The following ARB2A variants were observed in gnomAD, a reference collection of about 807,000 sequenced individuals.
ARB2A encodes the protein ARB2 cotranscriptional regulator A.
At chr5:94,054,205 T>G in the ARB2A span, among the ~76,000 whole-genome samples, 1 of 152,206 alleles carries the variant, frequency 6.6e-6, no homozygotes, top group South Asian at 2.1e-4. Context: ...ACACCAATAT[T>G]GGTACATTAC....
At chr5:93,768,154 G>A in the ARB2A span, among the ~76,000 whole-genome samples, 5 of 151,848 alleles carry the variant, frequency 3.3e-5, no homozygotes, top group Admixed American at 6.6e-5. Flanking sequence ...GTATGAGGAC[G>A]TAATAGCATA....
chr5:93,762,577 G>T, the ARB2A span, among the ~76,000 whole-genome samples: 2 of 152,208 alleles, frequency 1.3e-5, no homozygotes, highest in Non-Finnish European at 1.5e-5. Context: ...ATGTCTGATT[G>T]GTGTACCTGA....
chr5:93,634,618 T>C, the ARB2A span, among the ~76,000 whole-genome samples: 1 of 152,180 alleles, frequency 6.6e-6, no homozygotes, highest in Non-Finnish European at 1.5e-5. Context: ...TACAATTTAC[T>C]AGCATCAAAG....
the ARB2A span, among the ~76,000 whole-genome samples, chr5:93,785,836 CTAATT>C: frequency 2.0e-5 from 3 of 152,192 alleles, no homozygotes; most frequent in Admixed American, 1.3e-4. Flanking sequence ...AAATAATACT[CTAATT>C]TAATACTTCA....
chr5:93,704,068 GATGACTCAAA>G, the ARB2A span, among the ~76,000 whole-genome samples: 23,704 of 152,084 alleles, frequency 0.16, 2,044 homozygotes, highest in Middle Eastern at 0.27. Flanking sequence ...CATACTGCAT[GATGACTCAAA>G]ATGGCTTCAA....
the ARB2A span, among the ~76,000 whole-genome samples, chr5:93,826,678 T>C: frequency 9.9e-5 from 15 of 152,078 alleles, no homozygotes; most frequent in South Asian, 1.2e-3. Context: ...ATGTGCCATG[T>C]TGGTGTGCTG....
the ARB2A span, among the ~76,000 whole-genome samples, chr5:93,931,321 G>A: frequency 5.3e-5 from 8 of 152,094 alleles, no homozygotes; most frequent in Middle Eastern, 3.4e-3. Flanking sequence ...AAAATTAGCC[G>A]AGCATGGTGG....
the ARB2A span, among the ~76,000 whole-genome samples, chr5:94,098,451 A>T: frequency 6.6e-6 from 1 of 152,228 alleles, no homozygotes; most frequent in Non-Finnish European, 1.5e-5. Flanking sequence ...ACAAAGATAG[A>T]ACATACCAGA....
At chr5:93,888,268 T>G in the ARB2A span, among the ~76,000 whole-genome samples, 1 of 151,912 alleles carries the variant, frequency 6.6e-6, no homozygotes, top group Non-Finnish European at 1.5e-5. Context: ...ACCATAGTTT[T>G]GTGAAATCTT....
the ARB2A span, chr5:93,881,660 G>A: frequency 6.3e-7 from 1 of 1,592,622 alleles, no homozygotes; most frequent in South Asian, 1.2e-5. Flanking sequence ...GTTTTCATTG[G>A]GATTTAGTAC....
chr5:93,949,495 A>G, the ARB2A span, among the ~76,000 whole-genome samples: 2 of 152,158 alleles, frequency 1.3e-5, no homozygotes, highest in Non-Finnish European at 2.9e-5. Flanking sequence ...AGGGAGGCGG[A>G]GGTTGCAGTG....
the ARB2A span, among the ~76,000 whole-genome samples, chr5:94,015,278 A>G: frequency 6.6e-6 from 1 of 152,194 alleles, no homozygotes; most frequent in African/African-American, 2.4e-5. Context: ...CTACCATCTA[A>G]GCATACTGTA....
chr5:93,691,588 A>G, the ARB2A span, among the ~76,000 whole-genome samples: 1 of 152,170 alleles, frequency 6.6e-6, no homozygotes, highest in Non-Finnish European at 1.5e-5. Context: ...AATGGAACCG[A>G]GTTGGAAAAC....
chr5:94,001,247 T>C, the ARB2A span, among the ~76,000 whole-genome samples: 2 of 152,104 alleles, frequency 1.3e-5, no homozygotes, highest in African/African-American at 4.8e-5. Context: ...AGAACTGACA[T>C]CATGACAATA....
chr5:93,951,487 A>G, the ARB2A span, among the ~76,000 whole-genome samples: 1 of 151,994 alleles, frequency 6.6e-6, no homozygotes, highest in Non-Finnish European at 1.5e-5. Context: ...ATCTATTTTG[A>G]TTTGATTTTT....
the ARB2A span, among the ~76,000 whole-genome samples, chr5:93,664,705 C>A: frequency 2.7e-5 from 4 of 150,836 alleles, no homozygotes; most frequent in East Asian, 7.8e-4. Context: ...ATGAATTATA[C>A]AAATAAATAA....
At chr5:93,977,714 T>G in the ARB2A span, among the ~76,000 whole-genome samples, 1 of 152,090 alleles carries the variant, frequency 6.6e-6, no homozygotes. Context: ...AAGCAAAGAA[T>G]TTATGACAAA....
chr5:93,961,098 G>A, the ARB2A span, among the ~76,000 whole-genome samples: 71 of 152,270 alleles, frequency 4.7e-4, no homozygotes, highest in Admixed American at 1.3e-3. Flanking sequence ...AGCTGTCAGT[G>A]TATAACAAGA....
chr5:93,884,246 A>G, the ARB2A span, among the ~76,000 whole-genome samples: 1 of 151,632 alleles, frequency 6.6e-6, no homozygotes, highest in African/African-American at 2.4e-5. Flanking sequence ...CAAAAAAATA[A>G]TATTTTCATA....
Sources: gnomAD v4.1 joint callset for allele counts (sites outside exome capture counted in the v4.1 genomes callset) on GRCh38, gnomAD v4.1.1 for gene constraint, MANE v1.5 for transcripts, NCBI Gene and HGNC (gene_info 2026-07-23, HGNC 2026-07-21) for gene names.